Variants in KIAA2012 observed in about 807,000 individuals in gnomAD.
KIAA2012 encodes the protein KIAA2012.
A neutral mutation model predicts 150.6 loss-of-function variants in KIAA2012; 125 were observed. The ratio of observed to expected loss-of-function variants is 0.83; its 90% CI spans 0.72 to 0.96. The LOEUF (loss-of-function observed/expected upper bound fraction) is 0.96, where lower values mean the gene tolerates loss of function less well. Among genes scored for constraint, KIAA2012 ranks in the 40% least tolerant of loss-of-function variants. The pLI is 0.00. For synonymous variants in KIAA2012, 462 were observed against 504.7 expected, an observed-to-expected ratio of 0.92 and a Z score of 1.13; for missense variants, 1,219 against 1,354.9, an observed-to-expected ratio of 0.90 and a Z score of 1.57.
intron 14 of KIAA2012, among the ~76,000 whole-genome samples, chr2:202,164,969 G>A (rs1691727714): frequency 6.6e-6 from 1 of 151,850 alleles, no homozygotes; most frequent in Non-Finnish European, 1.5e-5. Flanking sequence ...ACAGAGTCCA[G>A]GGTCTTGCTA....
chr2:202,158,725 C>A (rs760703718), intron 14 of KIAA2012, among the ~76,000 whole-genome samples: 22 of 152,050 alleles, frequency 1.4e-4, no homozygotes, highest in Non-Finnish European at 1.5e-5. Context: ...TTTTTAAAAA[C>A]TCAATTTGTG....
chr2:202,124,841 G>A (rs886849493), intron 11 of KIAA2012, among the ~76,000 whole-genome samples: 1 of 152,178 alleles, frequency 6.6e-6, no homozygotes, highest in African/African-American at 2.4e-5. Flanking sequence ...AGGCTGAGGT[G>A]GGCAGATCAC....
chr2:202,081,259 C>T (rs1689446096), intron 2 of KIAA2012, among the ~76,000 whole-genome samples: 1 of 152,336 alleles, frequency 6.6e-6, no homozygotes, highest in African/African-American at 2.4e-5. Flanking sequence ...CATCAACAGA[C>T]ACTTAAGTTG....
chr2:202,188,223 CGA>C lies in KIAA2012; in HGVS notation c.2455_2456del (p.Glu819ArgfsTer20), dbSNP rs1320048076. The C allele has an allele frequency of 1.9e-5, 30 of 1,550,144 alleles. No individual in the cohort carries two copies. The highest frequency in any genetic ancestry group is 2.6e-5 in the Non-Finnish European group (30 of 1,146,866). ...AAGACAAAACCAAAGGACCCAAAAG[CGA>C]GAGAGAAGGAAAGGTCTACGGGCAA... ...KKDKTKGPKS[E>X]REGKVYGQAE... On this transcript the variant is annotated frameshift_variant, in exon 18 of 24. Transcript: ENST00000498697. LOFTEE classifies it high-confidence loss of function.
At chr2:202,196,134 G>A (rs905384069) in intron 21 of KIAA2012, among the ~76,000 whole-genome samples, 2 of 148,270 alleles carry the variant, frequency 1.3e-5, no homozygotes, top group Admixed American at 6.7e-5. Flanking sequence ...GGTTCTGGCT[G>A]TAGACTGGTC....
At chr2:202,121,288 G>A (rs186626745) in intron 11 of KIAA2012, among the ~76,000 whole-genome samples, 178 of 151,838 alleles carry the variant, frequency 1.2e-3, no homozygotes, top group African/African-American at 3.8e-3. Context: ...ATCTTTTTGC[G>A]TCTCTTGTTT....
At chr2:202,147,646 C>G (rs1691328555) in intron 13 of KIAA2012, among the ~76,000 whole-genome samples, 1 of 152,158 alleles carries the variant, frequency 6.6e-6, no homozygotes, top group Non-Finnish European at 1.5e-5. Context: ...ATCAAAACAC[C>G]ATTTTTTTTT....
intron 15 of KIAA2012, among the ~76,000 whole-genome samples, chr2:202,182,969 A>T (rs1559231176): frequency 6.6e-6 from 1 of 152,124 alleles, no homozygotes; most frequent in African/African-American, 2.4e-5. Context: ...AAATTATTTA[A>T]AGTAACTAAA....
intron 15 of KIAA2012, chr2:202,179,695 C>A: frequency 1.5e-6 from 1 of 663,634 alleles, no homozygotes; most frequent in Non-Finnish European, 2.9e-6. Context: ...AGTTTCTTTA[C>A]TTGTTTGTGG....
At chr2:202,107,370 A>G (rs1690224377) in intron 9 of KIAA2012, among the ~76,000 whole-genome samples, 1 of 152,168 alleles carries the variant, frequency 6.6e-6, no homozygotes, top group African/African-American at 2.4e-5. Context: ...CTTAAGTGGG[A>G]GTTAATTATC....
At chr2:202,097,780 G>C (rs1017855057) in intron 5 of KIAA2012, among the ~76,000 whole-genome samples, 1 of 151,872 alleles carries the variant, frequency 6.6e-6, no homozygotes, top group Non-Finnish European at 1.5e-5. Flanking sequence ...AGTGGAGATG[G>C]GGTTTCACAA....
At chr2:202,154,569 G>T (rs1691486175) in intron 13 of KIAA2012, 104 bp from the exon 14 acceptor site, 2 of 1,063,426 alleles carry the variant, frequency 1.9e-6, no homozygotes, top group South Asian at 1.8e-5. Flanking sequence ...TTGTTTCAAT[G>T]ATTTTTAAAA....
At chr2:202,113,483 T>G (rs1690436377) in intron 11 of KIAA2012, 37 bp downstream of exon 11, 1 of 1,454,506 alleles carries the variant, frequency 6.9e-7, no homozygotes, top group Non-Finnish European at 9.3e-7. Flanking sequence ...TTGTTTTTTT[T>G]TTTTCAAAGG....
intron 14 of KIAA2012, among the ~76,000 whole-genome samples, chr2:202,160,608 C>T (rs761088185): frequency 6.6e-5 from 10 of 152,042 alleles, no homozygotes; most frequent in South Asian, 2.1e-4. Context: ...CCACCACGCC[C>T]GGCCAAAATC....
intron 12 of KIAA2012, among the ~76,000 whole-genome samples, chr2:202,132,787 C>G (rs10190757): frequency 8.4e-6 from 1 of 118,906 alleles, no homozygotes; most frequent in Non-Finnish European, 1.7e-5. Context: ...TATATATATG[C>G]GTATATATAT....
intron 14 of KIAA2012, among the ~76,000 whole-genome samples, chr2:202,159,974 T>G (rs182620219): frequency 6.6e-6 from 1 of 152,332 alleles, no homozygotes; most frequent in Admixed American, 6.5e-5. Flanking sequence ...AAAGGAACAT[T>G]CACTGATCCC....
intron 11 of KIAA2012, among the ~76,000 whole-genome samples, chr2:202,118,155 C>G (rs976813722): frequency 1.3e-5 from 2 of 152,110 alleles, no homozygotes; most frequent in African/African-American, 4.8e-5. Flanking sequence ...CCATCCATCT[C>G]TGGATAGGAA....
intron 5 of KIAA2012, among the ~76,000 whole-genome samples, chr2:202,098,822 A>ACGCG (rs147687356): frequency 8.1e-4 from 90 of 110,742 alleles, no homozygotes; most frequent in South Asian, 1.2e-3. Context: ...GTGTGTGTGC[A>ACGCG]CGCGCGCGCG....
intron 13 of KIAA2012, among the ~76,000 whole-genome samples, chr2:202,147,074 T>C (rs1359755771): frequency 1.3e-5 from 2 of 152,148 alleles, no homozygotes; most frequent in South Asian, 2.1e-4. Context: ...GTATACAATC[T>C]AAAGGTTTAG....
Sources: gnomAD v4.1 joint callset for allele counts (sites outside exome capture counted in the v4.1 genomes callset) on GRCh38, gnomAD v4.1.1 for gene constraint, MANE v1.5 for transcripts, NCBI Gene and HGNC (gene_info 2026-07-23, HGNC 2026-07-21) for gene names.